ADCY9: variants seen among roughly 807,000 people sequenced by gnomAD.
ADCY9 encodes the protein adenylate cyclase 9, also known as adenylate cyclase type 9.
In ADCY9, 50 loss-of-function variants were observed where a neutral mutation model predicts 101.5. The ratio of observed to expected loss-of-function variants is 0.49; its 90% CI spans 0.39 to 0.62. ADCY9 has a LOEUF of 0.62. Ranked by LOEUF, ADCY9 falls within the 20% of genes least tolerant of loss-of-function variation. The probability of loss-of-function intolerance (pLI) is 0.00; values close to 1 mark genes in which losing one functional copy is unlikely to be tolerated. For synonymous variants in ADCY9, 905 were observed against 769.3 expected, an observed-to-expected ratio of 1.18 and a Z score of -2.92; for missense variants, 1,662 against 1,800.4, an observed-to-expected ratio of 0.92 and a Z score of 1.39.
chr16:4,025,040 G>A (rs560741009), intron 2 of ADCY9, among the ~76,000 whole-genome samples: 1 of 151,922 alleles, frequency 6.6e-6, no homozygotes, highest in Non-Finnish European at 1.5e-5. Context: ...AGGGAAGTGG[G>A]CCAGCAGGGC....
chr16:4,102,421 C>G (rs1320507421), intron 2 of ADCY9, among the ~76,000 whole-genome samples: 8 of 152,050 alleles, frequency 5.3e-5, no homozygotes, highest in South Asian at 2.1e-4. Flanking sequence ...ATGGTTGTTT[C>G]TTTGTTTGTT....
Position 3,963,096 on chromosome 16 carries a change from CCATATATATA to C in ADCY9, c.*2669_*2678del, listed in dbSNP as rs1453773567. The C allele has an allele frequency of 2.3e-5, 2 of 86,338 alleles. No individual in the cohort carries two copies. Among genetic ancestry groups the C allele is most frequent in the African/African-American group, 7.7e-5 (1 of 13,052 alleles). The allele number at this position is 86,338 out of a possible 1,614,324, so 5.3% of individuals were successfully genotyped here. The stretch of plus-strand genomic sequence containing the variant: ...GGATAAAATTGTGTGTGCTTGTTTA[CCATATATATA>C]TATATATATATATATATATATATAT... On this transcript the variant is annotated 3_prime_UTR_variant, in exon 11 of 11. Transcript: ENST00000294016.
At chr16:3,969,569 A>AATATATATATATATATAT (rs57260468) in intron 10 of ADCY9, among the ~76,000 whole-genome samples, 40 of 45,224 alleles carry the variant, frequency 8.8e-4, no homozygotes, top group South Asian at 1.3e-3. Flanking sequence ...GTTTGTTTGA[A>AATATATATATATATATAT]ATATATATAT....
chr16:3,986,809 G>A (rs1048297541), intron 6 of ADCY9, among the ~76,000 whole-genome samples: 1 of 152,192 alleles, frequency 6.6e-6, no homozygotes, highest in African/African-American at 2.4e-5. Flanking sequence ...TGTTGCCCAG[G>A]CTGGTCTATC....
At chr16:3,998,355 G>A (rs1159230839) in intron 3 of ADCY9, among the ~76,000 whole-genome samples, 1 of 152,142 alleles carries the variant, frequency 6.6e-6, no homozygotes, top group South Asian at 2.1e-4. Flanking sequence ...AGGCTGCCAT[G>A]AGCTATGGTC....
chr16:3,998,553 C>CA (rs1567430942), intron 3 of ADCY9, among the ~76,000 whole-genome samples: 1 of 151,098 alleles, frequency 6.6e-6, no homozygotes, highest in Non-Finnish European at 1.5e-5. Flanking sequence ...TACTAAAATA[C>CA]AAAAAATTAG....
At chr16:4,017,245 G>C (rs1242909432) in intron 2 of ADCY9, among the ~76,000 whole-genome samples, 1 of 150,230 alleles carries the variant, frequency 6.7e-6, no homozygotes, top group Non-Finnish European at 1.5e-5. Context: ...ATAATTCTGA[G>C]ATTTAGAGAA....
chr16:4,084,284 A>G lies in ADCY9; in HGVS notation c.1693+29466T>C, dbSNP rs564088213. Among the ~76,000 whole-genome samples the G allele has an allele frequency of 1.3e-3, 202 of 151,296 alleles. 1 individual carries two copies. The highest frequency in any genetic ancestry group is 4.2e-3 in the African/African-American group (173 of 41,440). ...CCACCACCACGCCCAGCTAATTTTT[A>G]TATTTTTAGTAGAGACAGGGTTTTA... On this transcript the variant is annotated intron_variant, in intron 2 of 10. Coordinates refer to ENST00000294016, the MANE Select transcript of ADCY9 (RefSeq NM_001116.4).
intron 2 of ADCY9, among the ~76,000 whole-genome samples, chr16:4,056,983 A>G (rs2056742555): frequency 6.7e-6 from 1 of 148,258 alleles, no homozygotes; most frequent in Non-Finnish European, 1.5e-5. Flanking sequence ...GGCGAGTCCT[A>G]GCAGAGGTCA....
At position 3,995,426 on chromosome 16, in the gene ADCY9, C is replaced by T. The variant is rs116822892; in HGVS notation, c.1885-1916G>A. The stretch of plus-strand genomic sequence containing the variant: ...CTGGGGCAAAAGAGAAAGACCCTGT[C>T]TTAAAAAAATAATAATTAAATGAAA... On this transcript the variant is annotated intron_variant, in intron 3 of 10. Coordinates refer to ENST00000294016, the MANE Select transcript of ADCY9 (RefSeq NM_001116.4). Among the ~76,000 whole-genome samples, 922 of 151,852 alleles carry T rather than the reference C, an allele frequency of 6.1e-3. 6 individuals carry two copies. Among genetic ancestry groups the T allele is most frequent in the African/African-American group, 0.021 (860 of 41,380 alleles).
chr16:4,026,614 G>GA (rs1339248613), intron 2 of ADCY9, among the ~76,000 whole-genome samples: 1 of 152,150 alleles, frequency 6.6e-6, no homozygotes, highest in Non-Finnish European at 1.5e-5. Flanking sequence ...AGGATGAATG[G>GA]ATAAACACAC....
rs2057134386 is a variant in ADCY9 at position 4,114,477 on chromosome 16, G to T, written c.966C>A (p.Asp322Glu). ...KVGQSIMHGK[D>E]LEVEKALKER... The stretch of plus-strand genomic sequence containing the variant: ...CTTTGAGGGCTTTTTCCACTTCCAG[G>T]TCCTTCCCGTGCATAATGGATTGCC... Residue 322 changes from aspartate to glutamate, a missense_variant, in exon 2 of 11, where the codon GAC becomes GAA. By Grantham distance (45) the Asp-to-Glu change is conservative (BLOSUM62 2). Coordinates refer to ENST00000294016, the MANE Select transcript of ADCY9 (RefSeq NM_001116.4). This position sits in a 1 kb window ranked among gnomAD's most constrained non-coding sequence, Gnocchi z 4.3. The T allele has an allele frequency of 6.2e-7, 1 of 1,613,976 alleles. No homozygotes were observed. Among genetic ancestry groups the T allele is most frequent in the African/African-American group, 1.3e-5 (1 of 74,884 alleles).
In ADCY9 at chr16:3,992,014, T is replaced by C. The variant is rs1567427595; in HGVS notation, c.2207+132A>G. On this transcript the variant is annotated intron_variant, in intron 5 of 10. Transcript: ENST00000294016. This position sits in a 1 kb window ranked among gnomAD's most constrained non-coding sequence, Gnocchi z 4.2. The stretch of plus-strand genomic sequence containing the variant: ...TGAACCTGGGAGATAGAGGCTGCAG[T>C]GAGCCAAGATCGCGCCACTGCACTG... The C allele has an allele frequency of 2.4e-6, 2 of 832,332 alleles. No individual in the cohort carries two copies. Among genetic ancestry groups the C allele is most frequent in the East Asian group, 2.7e-5 (1 of 37,058 alleles). The allele number at this position is 832,332 out of a possible 1,614,324, so 51.6% of individuals were successfully genotyped here.
chr16:4,066,951 C>T (rs2056804559), intron 2 of ADCY9, among the ~76,000 whole-genome samples: 1 of 152,162 alleles, frequency 6.6e-6, no homozygotes, highest in African/African-American at 2.4e-5. Context: ...ATGAAGGAAA[C>T]ATTCATCATT....
chr16:4,030,541 A>C (rs1318532871), intron 2 of ADCY9, among the ~76,000 whole-genome samples: 1 of 152,124 alleles, frequency 6.6e-6, no homozygotes, highest in Non-Finnish European at 1.5e-5. Context: ...GTCTCTACTA[A>C]AAATACAAAA....
rs553583050 is a variant in ADCY9 at position 4,053,191 on chromosome 16, C to T, written c.1694-45633G>A. Among the ~76,000 whole-genome samples the T allele has an allele frequency of 2.4e-3, 360 of 152,274 alleles. 5 individuals are homozygous for T. Among genetic ancestry groups the T allele is most frequent in the African/African-American group, 7.8e-3 (326 of 41,554 alleles). On this transcript the variant is annotated intron_variant, in intron 2 of 10. Transcript: ENST00000294016. ...CGCATCACACGCACATACACCAGCG[C>T]GGTTATCCATAACTCTACCATTTCA...
At chr16:4,065,327 G>A (rs1013916168) in intron 2 of ADCY9, among the ~76,000 whole-genome samples, 5 of 152,154 alleles carry the variant, frequency 3.3e-5, no homozygotes, top group African/African-American at 1.2e-4. Flanking sequence ...TTCTAACGCT[G>A]GCCGAAAGGG....
At chr16:4,027,807 G>GC (rs1252761543) in intron 2 of ADCY9, among the ~76,000 whole-genome samples, 3 of 151,728 alleles carry the variant, frequency 2.0e-5, no homozygotes, top group Non-Finnish European at 4.4e-5. Context: ...AACCCAGGAG[G>GC]CAGAGGTTGT....
intron 2 of ADCY9, among the ~76,000 whole-genome samples, chr16:4,022,248 T>G (rs1399904034): frequency 6.6e-6 from 1 of 152,018 alleles, no homozygotes. Context: ...TCCCAGCAAT[T>G]TGGGAGGCCG....
Sources: allele counts gnomAD v4.1 joint callset (sites outside exome capture counted in the v4.1 genomes callset), GRCh38; gene constraint gnomAD v4.1.1; non-coding constraint Gnocchi (gnomAD v3.1); transcripts MANE v1.5; gene names NCBI Gene and HGNC (gene_info 2026-07-23, HGNC 2026-07-21).